SGCD: variants seen among roughly 807,000 people sequenced by gnomAD.
SGCD encodes sarcoglycan delta.
A neutral mutation model predicts 36.6 loss-of-function variants in SGCD; 18 were observed. The observed-to-expected ratio is 0.49, with a 90% CI of 0.34 to 0.73. SGCD has a LOEUF of 0.73. Among genes scored for constraint, SGCD ranks in the 30% least tolerant of loss-of-function variants. SGCD has a pLI of 0.01. For synonymous variants in SGCD, 133 were observed against 130.6 expected (o/e 1.02, Z -0.12); for missense variants, 387 against 346.7 (o/e 1.12, Z -0.92).
chr5:156,077,125 A>G (rs1195794333), intron 1 of SGCD, among the ~76,000 whole-genome samples: 1 of 152,114 alleles, frequency 6.6e-6, no homozygotes, highest in Non-Finnish European at 1.5e-5. Context: ...AAACCAATTA[A>G]TTACATTCAA....
At chr5:155,751,061 A>G in the SGCD span, among the ~76,000 whole-genome samples, 1 of 152,186 alleles carries the variant, frequency 6.6e-6, no homozygotes, top group Non-Finnish European at 1.5e-5. Flanking sequence ...TTAAACAAAA[A>G]GTGATTCTTT....
chr5:155,861,970 C>G, the SGCD span, among the ~76,000 whole-genome samples: 2 of 152,178 alleles, frequency 1.3e-5, no homozygotes, highest in Non-Finnish European at 1.5e-5. Flanking sequence ...CCCCCATCCT[C>G]TCTTAGGAGA....
At chr5:156,183,682 C>T (rs547753265) in intron 3 of SGCD, among the ~76,000 whole-genome samples, 1 of 152,300 alleles carries the variant, frequency 6.6e-6, no homozygotes, top group South Asian at 2.1e-4. Flanking sequence ...GCTGAGATTA[C>T]AGGCGTGAGC....
At chr5:155,976,673 C>T (rs184985769) in intron 1 of SGCD, among the ~76,000 whole-genome samples, 1 of 152,124 alleles carries the variant, frequency 6.6e-6, no homozygotes, top group Non-Finnish European at 1.5e-5. Context: ...CACTTAGTTC[C>T]GTTTGTTCCT....
chr5:156,277,921 G>A (rs1040120940), intron 3 of SGCD, among the ~76,000 whole-genome samples: 3 of 152,118 alleles, frequency 2.0e-5, no homozygotes, highest in African/African-American at 7.2e-5. Context: ...CTGAAGGTCT[G>A]ATCTGAGAAA....
intron 7 of SGCD, among the ~76,000 whole-genome samples, chr5:156,705,975 A>G (rs550793882): frequency 6.6e-6 from 1 of 152,324 alleles, no homozygotes; most frequent in South Asian, 2.1e-4. Flanking sequence ...ACCACCTGGT[A>G]TAATCATATT....
chr5:156,228,334 A>T (rs375193557), intron 3 of SGCD, among the ~76,000 whole-genome samples: 28 of 152,188 alleles, frequency 1.8e-4, no homozygotes, highest in Middle Eastern at 6.8e-3. Context: ...TGTTAGGTGC[A>T]TATATGTTTA....
the SGCD span, among the ~76,000 whole-genome samples, chr5:155,729,249 C>G: frequency 6.6e-6 from 1 of 152,196 alleles, no homozygotes; most frequent in African/African-American, 2.4e-5. Flanking sequence ...ACCAACGTGC[C>G]ATTTGGGGCT....
rs1158844774 is a variant in SGCD at position 156,448,731 on chromosome 5, CTTTTTTTTTTTTTT to C, written c.193-59855_193-59842del. ...GTGGGAGAAGTTTCTTTTTCTTTTT[CTTTTTTTTTTTTTT>C]TTTTTTTTTTTTTTGAGACAGAGTC... On this transcript the variant is annotated intron_variant, in intron 3 of 8. Transcript: ENST00000337851. Among the ~76,000 whole-genome samples, 8 of 76,052 alleles carry C rather than the reference CTTTTTTTTTTTTTT, an allele frequency of 1.1e-4. No homozygotes were observed. In the East Asian group the frequency reaches 1.6e-3, roughly 15 times the overall value. 49.9% of individuals were successfully genotyped at this position (76,052 alleles called of 152,430 possible).
intron 3 of SGCD, among the ~76,000 whole-genome samples, chr5:156,296,100 G>A (rs1766887231): frequency 6.6e-6 from 1 of 152,154 alleles, no homozygotes; most frequent in African/African-American, 2.4e-5. Context: ...ACTAATTGGT[G>A]GTTTTGGAGC....
intron 1 of SGCD, among the ~76,000 whole-genome samples, chr5:156,091,827 T>C (rs976144707): frequency 6.6e-6 from 1 of 152,224 alleles, no homozygotes; most frequent in African/African-American, 2.4e-5. Flanking sequence ...CAGTGACCAA[T>C]TGTCCCAGGC....
intron 3 of SGCD, among the ~76,000 whole-genome samples, chr5:156,285,494 G>A (rs556015585): frequency 1.3e-3 from 191 of 152,264 alleles, no homozygotes; most frequent in Admixed American, 2.9e-3. Flanking sequence ...CAATGGAACA[G>A]AACAGTGCCC....
intron 1 of SGCD, among the ~76,000 whole-genome samples, chr5:155,890,112 T>G (rs1192002668): frequency 6.6e-6 from 1 of 152,186 alleles, no homozygotes; most frequent in Non-Finnish European, 1.5e-5. Context: ...GGTTTAATAC[T>G]CATGGCTATA....
At chr5:156,115,512 T>A (rs892953429) in intron 1 of SGCD, among the ~76,000 whole-genome samples, 1 of 152,076 alleles carries the variant, frequency 6.6e-6, no homozygotes, top group African/African-American at 2.4e-5. Flanking sequence ...TCAGTGTTCA[T>A]CCCTACAAGA....
chr5:156,695,924 C>T (rs1754302461), intron 7 of SGCD, among the ~76,000 whole-genome samples: 1 of 152,212 alleles, frequency 6.6e-6, no homozygotes, highest in Non-Finnish European at 1.5e-5. Flanking sequence ...TGTCCATTCT[C>T]TTGAGATGAG....
intron 1 of SGCD, among the ~76,000 whole-genome samples, chr5:155,947,720 G>C (rs1757467798): frequency 6.6e-6 from 1 of 152,056 alleles, no homozygotes; most frequent in Non-Finnish European, 1.5e-5. Context: ...ATGAAGGTGG[G>C]ACCCATATTC....
intron 3 of SGCD, among the ~76,000 whole-genome samples, chr5:156,411,183 G>C (rs1326811997): frequency 6.6e-6 from 1 of 152,152 alleles, no homozygotes; most frequent in African/African-American, 2.4e-5. Context: ...GATTTTCATG[G>C]AATTCATAGC....
chr5:156,576,542 C>T (rs990662348), intron 4 of SGCD, among the ~76,000 whole-genome samples: 2 of 152,200 alleles, frequency 1.3e-5, no homozygotes, highest in African/African-American at 4.8e-5. Context: ...CTCCCACCAA[C>T]AGTGTAAAAG....
At chr5:156,425,968 T>C (rs6556603) in intron 3 of SGCD, among the ~76,000 whole-genome samples, 121,131 of 151,998 alleles carry the variant, frequency 0.8, 48,992 homozygotes, top group African/African-American at 0.94. Context: ...GGCTGATGGG[T>C]ATTTACGTTG....
Sources: allele counts gnomAD v4.1 joint callset (sites outside exome capture counted in the v4.1 genomes callset), GRCh38; gene constraint gnomAD v4.1.1; transcripts MANE v1.5; gene names NCBI Gene and HGNC (gene_info 2026-07-23, HGNC 2026-07-21).